The following UGT3A2 variants were observed in gnomAD, a reference collection of about 807,000 sequenced individuals.
UGT3A2 encodes UDP glycosyltransferase family 3 member A2, also known as UDP-glycosyltransferase 3A2.
UGT3A2 carries 32 observed loss-of-function variants against 39.8 expected under a neutral mutation model. That is an observed-to-expected ratio of 0.80 (90% CI 0.61 to 1.08). The LOEUF is 1.08. Among genes scored for constraint, UGT3A2 ranks in the 50% least tolerant of loss-of-function variants. UGT3A2 has a pLI of 0.00. For missense variants in UGT3A2, 611 were observed against 637.1 expected, an observed-to-expected ratio of 0.96 and a Z score of 0.44; for synonymous variants, 241 against 230.7, an observed-to-expected ratio of 1.04 and a Z score of -0.40.
At chr5:36,043,435 T>G (rs139821698) in intron 4 of UGT3A2, among the ~76,000 whole-genome samples, 95 of 151,928 alleles carry the variant, frequency 6.3e-4, no homozygotes, top group African/African-American at 2.0e-3. Context: ...AGAGTGAGAC[T>G]TCATATAAAC....
intron 4 of UGT3A2, among the ~76,000 whole-genome samples, chr5:36,047,036 C>T (rs1461461551): frequency 6.6e-6 from 1 of 152,184 alleles, no homozygotes; most frequent in African/African-American, 2.4e-5. Context: ...CTTCCTCTGT[C>T]CTATTGTTTC....
chr5:36,057,848 CT>C (rs1398750517), intron 2 of UGT3A2, among the ~76,000 whole-genome samples: 22 of 152,076 alleles, frequency 1.4e-4, no homozygotes, highest in Non-Finnish European at 1.5e-5. Context: ...CCAGTAGTTT[CT>C]CAAAGTTTAT....
chr5:36,064,143 C>T lies in UGT3A2; in HGVS notation c.196+106G>A, dbSNP rs551074574. On this transcript the variant is annotated intron_variant, in intron 2 of 6. Coordinates refer to ENST00000282507, the MANE Select transcript of UGT3A2 (RefSeq NM_174914.4). ...CACACACACAAGCTTTTCATCCTTCCAATTGAATTAGATTTTTAAAAAACA... is the reference window on the plus strand; with the variant it reads ...CACACACACAAGCTTTTCATCCTTCTAATTGAATTAGATTTTTAAAAAACA... 4.6e-5 allele frequency: 47 copies of T among 1,025,814 alleles called. No individual in the cohort carries two copies. In the East Asian group the frequency reaches 7.5e-4, roughly 16 times the overall value. The allele number at this position is 1,025,814 out of a possible 1,614,324, so 63.5% of individuals were successfully genotyped here. A position where few individuals can be genotyped will look rare whatever the true frequency, so the allele number is the denominator to read the frequency against.
chr5:36,060,316 G>A (rs1742650365), intron 2 of UGT3A2, among the ~76,000 whole-genome samples: 1 of 152,212 alleles, frequency 6.6e-6, no homozygotes, highest in Admixed American at 6.5e-5. Flanking sequence ...ACCACTGGAG[G>A]CTATATGAGT....
intron 2 of UGT3A2, among the ~76,000 whole-genome samples, chr5:36,059,717 C>A (rs1033291935): frequency 6.6e-6 from 1 of 152,076 alleles, no homozygotes; most frequent in East Asian, 1.9e-4. Context: ...TGTTTTACCC[C>A]GCAGCAATTA....
intron 1 of UGT3A2, among the ~76,000 whole-genome samples, chr5:36,065,663 C>T (rs1220141498): frequency 6.6e-6 from 1 of 152,148 alleles, no homozygotes; most frequent in African/African-American, 2.4e-5. Flanking sequence ...GTGAAAAGGG[C>T]TTCAGAGTGG....
At chr5:36,064,202 G>T (rs1742806461) in intron 2 of UGT3A2, 47 bp downstream of exon 2, 1 of 1,529,006 alleles carries the variant, frequency 6.5e-7, no homozygotes, top group Non-Finnish European at 9.0e-7. Flanking sequence ...ACAGCATTTT[G>T]CTCTTTGCTT....
At chr5:36,061,021 G>T (rs763346460) in intron 2 of UGT3A2, among the ~76,000 whole-genome samples, 2 of 152,056 alleles carry the variant, frequency 1.3e-5, no homozygotes, top group African/African-American at 4.8e-5. Context: ...AGCCAGGCGT[G>T]GTGCCCCACG....
rs572075946 is a variant in UGT3A2, at chr5:36,059,877, T to G, written c.196+4372A>C. On this transcript the variant is annotated intron_variant, in intron 2 of 6. Transcript: ENST00000282507. ...GGTATGTTTGTGTTTTCACAGAAAA[T>G]GAACAAACCGTGTGGGTGCTCTCAA... Among the ~76,000 whole-genome samples the G allele has an allele frequency of 1.7e-4, 26 of 152,198 alleles. 1 individual carries two copies. In the South Asian group the frequency reaches 5.4e-3, roughly 32 times the overall value.
At chr5:36,063,179 A>T (rs546111083) in intron 2 of UGT3A2, among the ~76,000 whole-genome samples, 3 of 152,184 alleles carry the variant, frequency 2.0e-5, no homozygotes, top group African/African-American at 7.2e-5. Flanking sequence ...TTATAGCTTC[A>T]GGGGGTGCAT....
At chr5:36,066,596 A>G in intron 1 of UGT3A2, 100 bp downstream of exon 1, 1 of 1,587,040 alleles carries the variant, frequency 6.3e-7, no homozygotes, top group Non-Finnish European at 8.6e-7. Context: ...CAGCCTGGAA[A>G]ATCACGTGGA....
chr5:36,053,175 A>G lies in UGT3A2; in HGVS notation c.197-1191T>C, dbSNP rs545477668. 9.2e-5 allele frequency among the ~76,000 whole-genome samples: 14 copies of G among 152,250 alleles called. No homozygotes were observed. The South Asian group carries it at 2.9e-3, about 32-fold the overall frequency. ...TCCTCTGAGGAGATTCATTTGCCAC[A>G]CTCATTTAAGACATAGAAACATTCA... is the stretch of plus-strand genomic sequence containing the variant. On this transcript the variant is annotated intron_variant, in intron 2 of 6. Transcript: ENST00000282507.
intron 2 of UGT3A2, among the ~76,000 whole-genome samples, 157 bp from the exon 3 acceptor site, chr5:36,052,141 CAG>C (rs1742364062): frequency 6.6e-6 from 1 of 152,168 alleles, no homozygotes; most frequent in Non-Finnish European, 1.5e-5. Flanking sequence ...ATTTTTGAGA[CAG>C]AGTCTTGCTC....
intron 2 of UGT3A2, among the ~76,000 whole-genome samples, chr5:36,053,669 T>C (rs1344998887): frequency 5.9e-5 from 9 of 152,224 alleles, no homozygotes; most frequent in Admixed American, 5.9e-4. Flanking sequence ...ACAAACTTAG[T>C]TGCTTAACAC....
chr5:36,043,661 TA>T (rs1374166904), intron 4 of UGT3A2, among the ~76,000 whole-genome samples: 1 of 151,732 alleles, frequency 6.6e-6, no homozygotes, highest in Non-Finnish European at 1.5e-5. Context: ...AAATCAGAGC[TA>T]AAAAAAGAGA....
Position 36,066,627 on chromosome 5 carries a change from T to G in UGT3A2, c.94+69A>C, listed in dbSNP as rs547248338. On this transcript the variant is annotated intron_variant, in intron 1 of 6. Transcript: ENST00000282507. Reference sequence around the variant, plus strand: ...GTGGATGACTCTGATCAAGCGCTGTTCTCTGGAGCCCTGGCAGTGCGAGTA... The same window carrying G: ...GTGGATGACTCTGATCAAGCGCTGTGCTCTGGAGCCCTGGCAGTGCGAGTA... 198 of 1,608,160 alleles carry G rather than the reference T, an allele frequency of 1.2e-4. 5 individuals are homozygous for G. In the South Asian group the frequency reaches 2.1e-3, roughly 17 times the overall value.
At position 36,066,861 on chromosome 5, in the gene UGT3A2, AC is replaced by A; in HGVS notation, c.-73del. On this transcript the variant is annotated 5_prime_UTR_variant, in exon 1 of 7. Transcript: ENST00000282507. ...TGCGCCCGGCTAAGGGACCCTGTGC[AC>A]CTCAGTGCGCCAAAGGCACTGGCTG... 6.3e-7 allele frequency: 1 copy of A among 1,575,794 alleles called. No individual in the cohort carries two copies. Among genetic ancestry groups the A allele is most frequent in the South Asian group, 1.1e-5 (1 of 90,146 alleles).
chr5:36,061,280 TGC>T (rs1235427570), intron 2 of UGT3A2, among the ~76,000 whole-genome samples: 1 of 152,054 alleles, frequency 6.6e-6, no homozygotes, highest in Non-Finnish European at 1.5e-5. Context: ...AGGGTACATG[TGC>T]ACATTGTGCA....
At chr5:36,045,691 T>C (rs558282172) in intron 4 of UGT3A2, among the ~76,000 whole-genome samples, 129 of 151,616 alleles carry the variant, frequency 8.5e-4, no homozygotes, top group Non-Finnish European at 1.7e-3. Context: ...AAAGAAAACA[T>C]TGGGGAAACG....
Sources: gnomAD v4.1 joint callset for allele counts (sites outside exome capture counted in the v4.1 genomes callset) on GRCh38, gnomAD v4.1.1 for gene constraint, MANE v1.5 for transcripts, NCBI Gene and HGNC (gene_info 2026-07-23, HGNC 2026-07-21) for gene names.